Variants in SEMA5A observed in about 807,000 individuals in gnomAD.
SEMA5A encodes semaphorin 5A, also known as semaphorin-5A.
SEMA5A carries 55 observed loss-of-function variants against 135.5 expected under a neutral mutation model. That is an observed-to-expected ratio of 0.41 (90% confidence interval 0.33 to 0.51). The LOEUF (loss-of-function observed/expected upper bound fraction) is 0.51. Ranked by LOEUF, SEMA5A falls within the 20% of genes least tolerant of loss-of-function variation. The pLI is 0.37. For missense variants in SEMA5A, 1,290 were observed against 1,419.9 expected, an observed-to-expected ratio of 0.91 and a Z score of 1.47; for synonymous variants, 580 against 546.5, an observed-to-expected ratio of 1.06 and a Z score of -0.85.
At chr5:9,112,722 T>C (rs1044775969) in intron 15 of SEMA5A, among the ~76,000 whole-genome samples, 1 of 152,194 alleles carries the variant, frequency 6.6e-6, no homozygotes, top group Non-Finnish European at 1.5e-5. Context: ...TTCCCCGTGA[T>C]CCCCAGCTCC....
intron 1 of SEMA5A, among the ~76,000 whole-genome samples, chr5:9,513,762 A>T (rs1199422944): frequency 6.6e-6 from 1 of 152,158 alleles, no homozygotes; most frequent in East Asian, 1.9e-4. Flanking sequence ...CCCTTATTTG[A>T]ATTACTATAG....
chr5:9,224,858 C>A lies in SEMA5A; in HGVS notation c.462G>T (p.Gln154His). 1 of 1,613,702 alleles carries A rather than the reference C, an allele frequency of 6.2e-7. No homozygotes were observed. The highest frequency in any genetic ancestry group is 1.1e-5 in the South Asian group (1 of 91,060). The change falls in exon 8 of 23, where the codon CAG (glutamine) becomes CAT (histidine). Residue 154 changes from glutamine to histidine, a missense_variant. By Grantham distance (24) the Gln-to-His change is conservative. Coordinates refer to ENST00000382496, the MANE Select transcript of SEMA5A (RefSeq NM_003966.3). Reference sequence around the variant, plus strand: ...AGGGACAGCGGGCCATGCCACTGATCTGATCATGGATCTCAGTCAGGTTGC... The same window carrying A: ...AGGGACAGCGGGCCATGCCACTGATATGATCATGGATCTCAGTCAGGTTGC... ...SLSNLTEIHD[Q>H]ISGMARCPYS...
At position 9,370,995 on chromosome 5, in the gene SEMA5A, G is replaced by A. The variant is rs191371342; in HGVS notation, c.124+8828C>T. Among the ~76,000 whole-genome samples, 11 of 152,158 alleles carry A rather than the reference G, an allele frequency of 7.2e-5. No homozygotes were observed. In the East Asian group the frequency reaches 7.7e-4, roughly 11 times the overall value. Reference sequence around the variant, plus strand: ...TTAAAGATAGATAAAATACAATAACGTACCATTTGAGGCCAAATGGAAACA... The same window carrying A: ...TTAAAGATAGATAAAATACAATAACATACCATTTGAGGCCAAATGGAAACA... On this transcript the variant is annotated intron_variant, in intron 3 of 22. Coordinates refer to ENST00000382496, the MANE Select transcript of SEMA5A (RefSeq NM_003966.3).
At chr5:9,171,861 T>G (rs1233927810) in intron 11 of SEMA5A, among the ~76,000 whole-genome samples, 1 of 151,934 alleles carries the variant, frequency 6.6e-6, no homozygotes, top group Non-Finnish European at 1.5e-5. Flanking sequence ...GGCACCAACT[T>G]ACAGGGCACA....
At chr5:9,397,731 C>A (rs1395116370) in intron 2 of SEMA5A, among the ~76,000 whole-genome samples, 1 of 152,178 alleles carries the variant, frequency 6.6e-6, no homozygotes, top group Non-Finnish European at 1.5e-5. Flanking sequence ...GAATTGGGAG[C>A]TTAAGCGCTG....
chr5:9,476,038 A>ATT (rs1491271158), intron 1 of SEMA5A, among the ~76,000 whole-genome samples: 36 of 152,334 alleles, frequency 2.4e-4, no homozygotes, highest in African/African-American at 8.7e-4. Context: ...ATGCTGTTTA[A>ATT]CACCTTTCTT....
intron 11 of SEMA5A, among the ~76,000 whole-genome samples, chr5:9,179,314 C>G (rs1744377256): frequency 6.6e-6 from 1 of 152,144 alleles, no homozygotes; most frequent in Non-Finnish European, 1.5e-5. Flanking sequence ...ACAATTTTTA[C>G]TACTGAGGGC....
intron 11 of SEMA5A, among the ~76,000 whole-genome samples, chr5:9,179,741 A>C (rs1414666972): frequency 2.0e-5 from 3 of 152,184 alleles, no homozygotes; most frequent in African/African-American, 7.2e-5. Flanking sequence ...ACTCATACTA[A>C]AGAACTAATT....
At position 9,042,736 on chromosome 5, in the gene SEMA5A, T is replaced by C; in HGVS notation, c.*161A>G. 3 of 755,836 alleles carry C rather than the reference T, an allele frequency of 4.0e-6. No homozygotes were observed. Among genetic ancestry groups the C allele is most frequent in the Admixed American group, 3.1e-5 (1 of 32,044 alleles). 46.8% of individuals were successfully genotyped at this position (755,836 alleles called of 1,614,324 possible). On this transcript the variant is annotated 3_prime_UTR_variant, in exon 23 of 23. Transcript: ENST00000382496. ...GTCTTATTTCAATTTTTGTTGCTTTTAAAGACGTGTATTTTTGGCAGCAAT... is the reference window on the plus strand; with the variant it reads ...GTCTTATTTCAATTTTTGTTGCTTTCAAAGACGTGTATTTTTGGCAGCAAT...
intron 2 of SEMA5A, among the ~76,000 whole-genome samples, chr5:9,434,845 G>A (rs1487451502): frequency 6.6e-6 from 1 of 152,068 alleles, no homozygotes; most frequent in Non-Finnish European, 1.5e-5. Flanking sequence ...ATATTATCAG[G>A]CTCTTGAGTT....
At chr5:9,354,508 C>T (rs1754358532) in intron 3 of SEMA5A, among the ~76,000 whole-genome samples, 1 of 152,194 alleles carries the variant, frequency 6.6e-6, no homozygotes, top group Admixed American at 6.5e-5. Context: ...TGCTTGACCC[C>T]ATTAATGTTT....
chr5:9,085,779 C>T (rs1738647267), intron 16 of SEMA5A, among the ~76,000 whole-genome samples: 1 of 152,106 alleles, frequency 6.6e-6, no homozygotes, highest in Non-Finnish European at 1.5e-5. Flanking sequence ...TCCTCAGACC[C>T]AAGAATGGTA....
chr5:9,349,041 T>A (rs547042820), intron 3 of SEMA5A, among the ~76,000 whole-genome samples: 1 of 152,360 alleles, frequency 6.6e-6, no homozygotes, highest in East Asian at 1.9e-4. Context: ...CTTTAGCTTC[T>A]AATCTAAGCC....
intron 2 of SEMA5A, among the ~76,000 whole-genome samples, chr5:9,398,138 A>AT (rs1217297100): frequency 6.6e-6 from 1 of 152,206 alleles, no homozygotes; most frequent in African/African-American, 2.4e-5. Flanking sequence ...TTTAAATTAG[A>AT]TTTTTTACAT....
At chr5:9,291,265 C>T (rs1478611026) in intron 5 of SEMA5A, among the ~76,000 whole-genome samples, 4 of 152,142 alleles carry the variant, frequency 2.6e-5, no homozygotes, top group South Asian at 2.1e-4. Flanking sequence ...TTGCACTTCG[C>T]GGATGGTCCC....
At chr5:9,216,315 T>C (rs541724856) in intron 8 of SEMA5A, among the ~76,000 whole-genome samples, 23 of 152,334 alleles carry the variant, frequency 1.5e-4, no homozygotes, top group East Asian at 1.3e-3. Flanking sequence ...TTCTTAGTCT[T>C]GACTTCTATG....
At chr5:9,401,629 C>T (rs1347534817) in intron 2 of SEMA5A, among the ~76,000 whole-genome samples, 2 of 152,110 alleles carry the variant, frequency 1.3e-5, no homozygotes, top group Admixed American at 1.3e-4. Context: ...AGTTATGTTC[C>T]CCAAAATCAC....
At chr5:9,253,256 C>G (rs1748893622) in intron 5 of SEMA5A, among the ~76,000 whole-genome samples, 1 of 152,130 alleles carries the variant, frequency 6.6e-6, no homozygotes, top group African/African-American at 2.4e-5. Flanking sequence ...ATTAAGAAAA[C>G]TATTTTTTCT....
chr5:9,191,497 T>C (rs1745110353), intron 10 of SEMA5A, among the ~76,000 whole-genome samples: 1 of 152,198 alleles, frequency 6.6e-6, no homozygotes, highest in Non-Finnish European at 1.5e-5. Context: ...TTCACATAAG[T>C]AGGTTTGATG....
Sources: allele counts gnomAD v4.1 joint callset (sites outside exome capture counted in the v4.1 genomes callset), GRCh38; gene constraint gnomAD v4.1.1; transcripts MANE v1.5; gene names NCBI Gene and HGNC (gene_info 2026-07-23, HGNC 2026-07-21).